Variants in CERT1 observed in about 807,000 individuals in gnomAD.
CERT1 encodes the protein ceramide transfer protein.
In CERT1, 31 loss-of-function variants were observed where a neutral mutation model predicts 87.9. The ratio of observed to expected loss-of-function variants is 0.35; its 90% CI spans 0.27 to 0.48. The LOEUF (loss-of-function observed/expected upper bound fraction) is 0.48, where lower values mean the gene tolerates loss of function less well. CERT1 is among the 20% of genes least tolerant of loss of function. The pLI is 0.99. For synonymous variants in CERT1, 289 were observed against 250.9 expected (o/e 1.15, Z -1.44); for missense variants, 487 against 758.0 (o/e 0.64, Z 4.20).
chr5:75,458,942 T>C, intron 3 of CERT1, 123 bp downstream of exon 3: 1 of 640,518 alleles, frequency 1.6e-6, no homozygotes. Context: ...TGCTTTAATC[T>C]TTATCATCCA....
At chr5:75,488,192 G>C (rs1032815207) in intron 2 of CERT1, among the ~76,000 whole-genome samples, 1 of 151,942 alleles carries the variant, frequency 6.6e-6, no homozygotes, top group Non-Finnish European at 1.5e-5. Context: ...TTTAAAAATA[G>C]CTAAAAATAG....
At chr5:75,393,488 A>G (rs1181902658) in intron 11 of CERT1, among the ~76,000 whole-genome samples, 3 of 151,060 alleles carry the variant, frequency 2.0e-5, no homozygotes, top group African/African-American at 7.3e-5. Context: ...TAGTACAATA[A>G]AAGTCTAAGT....
At position 75,404,676 on chromosome 5, in the gene CERT1, C is replaced by T. The variant is rs1038966610; in HGVS notation, c.931-1618G>A. 2.0e-5 allele frequency among the ~76,000 whole-genome samples: 3 copies of T among 152,128 alleles called. No homozygotes were observed. The East Asian group carries it at 5.8e-4, about 29-fold the overall frequency. On this transcript the variant is annotated intron_variant, in intron 8 of 16. Coordinates refer to ENST00000643780, the MANE Select transcript of CERT1 (RefSeq NM_001379029.1). ...TGTGGATTTCTAGTCCTTAAGCAAT[C>T]ATGTCAGAGCCTCAGGAGTCTAATT...
chr5:75,416,136 T>G (rs1006380869), intron 7 of CERT1, among the ~76,000 whole-genome samples: 1 of 152,188 alleles, frequency 6.6e-6, no homozygotes, highest in Non-Finnish European at 1.5e-5. Flanking sequence ...CATCCAGAGC[T>G]GATATATAAA....
chr5:75,411,840 A>C (rs1485823256), intron 7 of CERT1, among the ~76,000 whole-genome samples: 2 of 152,244 alleles, frequency 1.3e-5, no homozygotes, highest in Non-Finnish European at 2.9e-5. Flanking sequence ...ATACCAGAAA[A>C]GAACTCAGTA....
intron 2 of CERT1, among the ~76,000 whole-genome samples, chr5:75,473,968 T>G (rs1561288184): frequency 6.6e-6 from 1 of 152,200 alleles, no homozygotes; most frequent in Non-Finnish European, 1.5e-5. Flanking sequence ...CATATTATTT[T>G]ATACTCAGTA....
At chr5:75,467,703 C>CTGTAATT (rs1765526197) in intron 2 of CERT1, among the ~76,000 whole-genome samples, 1 of 149,050 alleles carries the variant, frequency 6.7e-6, no homozygotes, top group South Asian at 2.1e-4. Context: ...TAAAACAGTT[C>CTGTAATT]TGTAATTTGA....
At chr5:75,511,863 C>T (rs899698862), upstream of CERT1, 1 of 1,529,008 alleles carries the variant, frequency 6.5e-7, no homozygotes, top group African/African-American at 1.4e-5. Context: ...GGGCGTTGGT[C>T]CGTCGCTCGC....
chr5:75,400,329 G>A, intron 9 of CERT1, 32 bp from the exon 10 acceptor site: 2 of 1,464,750 alleles, frequency 1.4e-6, no homozygotes, highest in Non-Finnish European at 1.9e-6. Flanking sequence ...AGATGGGAAG[G>A]TTTTAAAGTG....
intron 7 of CERT1, 109 bp from the exon 8 acceptor site, chr5:75,411,212 CA>C (rs916087387): frequency 3.2e-6 from 2 of 624,928 alleles, no homozygotes; most frequent in Non-Finnish European, 5.5e-6. Context: ...CAATTTGACA[CA>C]AAAAAATTCC....
intron 3 of CERT1, among the ~76,000 whole-genome samples, chr5:75,435,704 A>G (rs1764065521): frequency 1.3e-5 from 2 of 152,282 alleles, no homozygotes; most frequent in East Asian, 3.9e-4. Context: ...GGCTTAGTTC[A>G]GCACTCCTTA....
chr5:75,370,361 G>T (rs1188395948), intron 17 of CERT1: 1 of 152,196 alleles, frequency 6.6e-6, no homozygotes, highest in African/African-American at 2.4e-5. Flanking sequence ...AACAAGTGGA[G>T]CTGAGATTAA....
intron 2 of CERT1, among the ~76,000 whole-genome samples, chr5:75,495,083 T>C (rs993430364): frequency 2.0e-5 from 3 of 152,252 alleles, no homozygotes; most frequent in Non-Finnish European, 4.4e-5. Context: ...CAACTGGTCA[T>C]GGCTTCTCAG....
chr5:75,429,367 A>G (rs1342985990), intron 3 of CERT1, among the ~76,000 whole-genome samples: 1 of 151,748 alleles, frequency 6.6e-6, no homozygotes, highest in Non-Finnish European at 1.5e-5. Flanking sequence ...ATGTCCAGAT[A>G]ATTTTTGTAT....
intron 2 of CERT1, among the ~76,000 whole-genome samples, chr5:75,490,923 C>G (rs1766761257): frequency 6.6e-6 from 1 of 151,850 alleles, no homozygotes; most frequent in East Asian, 1.9e-4. Context: ...TGGTTTTCAC[C>G]CATTTTTGTT....
intron 13 of CERT1, among the ~76,000 whole-genome samples, chr5:75,385,368 G>T (rs549447111): frequency 6.6e-6 from 1 of 152,222 alleles, no homozygotes; most frequent in Non-Finnish European, 1.5e-5. Flanking sequence ...AGTTACTTGG[G>T]AGGCTGAGGC....
At chr5:75,380,950 C>A (rs1162524348) in intron 16 of CERT1, 122 bp downstream of exon 16, 13 of 1,056,630 alleles carry the variant, frequency 1.2e-5, no homozygotes, top group Non-Finnish European at 1.8e-5. Flanking sequence ...TACCTTTCTC[C>A]AAATTAAAAA....
At chr5:75,402,460 T>C (rs1490241968) in intron 9 of CERT1, 1 of 152,254 alleles carries the variant, frequency 6.6e-6, no homozygotes, top group Admixed American at 6.5e-5. Flanking sequence ...TGGTTTTCTT[T>C]CTATTGCTTG....
At chr5:75,429,470 T>A (rs1349040590) in intron 3 of CERT1, among the ~76,000 whole-genome samples, 1 of 152,186 alleles carries the variant, frequency 6.6e-6, no homozygotes, top group Non-Finnish European at 1.5e-5. Flanking sequence ...CCCAAAGTGC[T>A]GGGCTTATAG....
Sources: allele counts gnomAD v4.1 joint callset (sites outside exome capture counted in the v4.1 genomes callset), GRCh38; gene constraint gnomAD v4.1.1; transcripts MANE v1.5; gene names NCBI Gene and HGNC (gene_info 2026-07-23, HGNC 2026-07-21).